ANO1: variants seen among roughly 807,000 people sequenced by gnomAD.
The protein encoded by ANO1 is anoctamin 1.
A neutral mutation model predicts 124.0 loss-of-function variants in ANO1; 59 were observed. The observed-to-expected ratio is 0.48, with a 90% CI of 0.39 to 0.59. ANO1 has a LOEUF of 0.59. Among genes scored for constraint, ANO1 ranks in the 20% least tolerant of loss-of-function variants. ANO1 has a pLI of 0.00. For synonymous variants in ANO1, 529 were observed against 532.0 expected (o/e 0.99, Z 0.08); for missense variants, 1,059 against 1,328.0 (o/e 0.80, Z 3.15).
In ANO1 at chr11:70,078,611, GGGTCAACGAGAAGTACTCGACGCTCCC is replaced by G. The variant is rs2044101274; in HGVS notation, c.8_34del (p.Val3_Pro11del). The G allele has an allele frequency of 6.7e-7, 1 of 1,487,946 alleles. No homozygotes were observed. The highest frequency in any genetic ancestry group is 9.0e-7 in the Non-Finnish European group (1 of 1,109,376). 92.2% of individuals were successfully genotyped at this position (1,487,946 alleles called of 1,614,324 possible). The stretch of plus-strand genomic sequence containing the variant: ...CCCAGCGCACAGGCGGCCACGATGA[GGGTCAACGAGAAGTACTCGACGCTCCC>G]GGCCGAGGACCGCAGCGTCCACATC... On this transcript the variant is annotated inframe_deletion, in exon 1 of 26. Coordinates refer to ENST00000355303, the MANE Select transcript of ANO1 (RefSeq NM_018043.7).
chr11:70,039,264 A>G (rs1487240630), intron 1 of ANO1, among the ~76,000 whole-genome samples: 1 of 152,206 alleles, frequency 6.6e-6, no homozygotes, highest in East Asian at 1.9e-4. Flanking sequence ...AGGACCAAAC[A>G]TAAGAAAAAG....
intron 1 of ANO1, among the ~76,000 whole-genome samples, chr11:70,003,114 G>C (rs1269286531): frequency 2.0e-5 from 3 of 152,042 alleles, no homozygotes; most frequent in Non-Finnish European, 1.5e-5. Flanking sequence ...ATCCAATAAA[G>C]AATTGTTTTT....
chr11:70,085,310 C>G, intron 1 of ANO1: 1 of 1,368,940 alleles, frequency 7.3e-7, no homozygotes, highest in Non-Finnish European at 9.6e-7. Flanking sequence ...CCAGCCCTCC[C>G]CCACCCTTCC....
intron 1 of ANO1, among the ~76,000 whole-genome samples, chr11:70,017,597 C>A (rs553609908): frequency 3.3e-5 from 5 of 151,634 alleles, no homozygotes; most frequent in African/African-American, 4.8e-5. Flanking sequence ...CTCACTGCAG[C>A]CTTGACTCCC....
intron 8 of ANO1, 137 bp downstream of exon 8, chr11:70,116,636 A>C: frequency 1.4e-6 from 1 of 734,282 alleles, no homozygotes; most frequent in East Asian, 2.8e-5. Context: ...GGGGCTGAGA[A>C]GCGGGTGTCC....
chr11:70,017,469 C>T (rs1555002107), intron 1 of ANO1, among the ~76,000 whole-genome samples: 2 of 150,900 alleles, frequency 1.3e-5, no homozygotes, highest in Non-Finnish European at 3.0e-5. Context: ...TTCCTTCCCT[C>T]CTTCCCTCCC....
intron 10 of ANO1, 110 bp downstream of exon 10, chr11:70,126,305 A>G (rs1231119499): frequency 1.8e-5 from 25 of 1,354,188 alleles, no homozygotes; most frequent in African/African-American, 2.9e-5. Context: ...ATTCCTGTAC[A>G]CATGAAACCT....
chr11:70,000,326 G>A (rs1336290076), intron 1 of ANO1, among the ~76,000 whole-genome samples: 2 of 151,934 alleles, frequency 1.3e-5, no homozygotes, highest in East Asian at 1.9e-4. Flanking sequence ...TGGGCCGGGG[G>A]GGGATGCACA....
At chr11:70,074,180 G>A (rs1010182543), upstream of ANO1, among the ~76,000 whole-genome samples, 8 of 152,094 alleles carry the variant, frequency 5.3e-5, no homozygotes, top group African/African-American at 7.2e-5. Flanking sequence ...GGCCATTGGC[G>A]CTCACAATGG....
intron 1 of ANO1, among the ~76,000 whole-genome samples, chr11:70,005,099 C>T (rs550282284): frequency 2.7e-3 from 302 of 110,006 alleles, no homozygotes; most frequent in Non-Finnish European, 4.3e-3. Context: ...GGTGACAGAG[C>T]GAGATTCCAA....
rs1565159722 is a variant in ANO1 at position 70,010,173 on chromosome 11, G to GTATA, written c.58+24008_58+24009insATAT. Among the ~76,000 whole-genome samples the GTATA allele has an allele frequency of 1.4e-4, 7 of 50,640 alleles. 1 individual carries two copies. In the South Asian group the frequency reaches 4.4e-3, roughly 32 times the overall value. The allele number at this position is 50,640 out of a possible 152,430, so 33.2% of individuals were successfully genotyped here. ...TGTGTGTGTGTGTGTGTGCGCGTGT[G>GTATA]TGTGTGTATATATATATATATATAT... On this transcript the variant is annotated intron_variant, in intron 1 of 27. Coordinates refer to the ANO1 transcript ENST00000531349.
chr11:70,173,347 A>G (rs1307766967), intron 22 of ANO1, among the ~76,000 whole-genome samples: 1 of 152,164 alleles, frequency 6.6e-6, no homozygotes, highest in African/African-American at 2.4e-5. Context: ...GCTTCCCTAC[A>G]TCACCTCTTC....
At chr11:70,005,112 C>A (rs1433033540) in intron 1 of ANO1, among the ~76,000 whole-genome samples, 288 of 134,950 alleles carry the variant, frequency 2.1e-3, no homozygotes, top group East Asian at 4.0e-3. Flanking sequence ...GATTCCAACT[C>A]AAAAAAAAAA....
At chr11:70,086,771 C>A (rs576619649) in intron 1 of ANO1, among the ~76,000 whole-genome samples, 1 of 152,340 alleles carries the variant, frequency 6.6e-6, no homozygotes, top group East Asian at 1.9e-4. Flanking sequence ...CTGCACATAG[C>A]GGTGGCCGCT....
chr11:70,052,332 A>C (rs1406172504), intron 1 of ANO1, among the ~76,000 whole-genome samples: 1 of 152,026 alleles, frequency 6.6e-6, no homozygotes, highest in African/African-American at 2.4e-5. Flanking sequence ...AATATCAGAT[A>C]ATATATGTCC....
Position 69,995,886 on chromosome 11 carries a change from G to A in ANO1, c.58+9720G>A, listed in dbSNP as rs536766952. ...CTTTGGGAGGCAGAGGTGGAGGCGG[G>A]TGGATCACCTGAGGTCAGGAGTTTG... On this transcript the variant is annotated intron_variant, in intron 1 of 27. Transcript: ENST00000531349. Among the ~76,000 whole-genome samples, 93 of 152,310 alleles carry A rather than the reference G, an allele frequency of 6.1e-4. 1 individual carries two copies. The highest frequency in any genetic ancestry group is 2.1e-3 in the African/African-American group (89 of 41,558).
At chr11:70,048,680 C>A (rs1214115392) in intron 1 of ANO1, among the ~76,000 whole-genome samples, 3 of 149,480 alleles carry the variant, frequency 2.0e-5, no homozygotes, top group Non-Finnish European at 3.0e-5. Context: ...CCTTCTCCCC[C>A]TCTCCCCACT....
At chr11:70,108,566 T>C (rs1298865085) in intron 6 of ANO1, among the ~76,000 whole-genome samples, 162 bp downstream of exon 6, 1 of 152,148 alleles carries the variant, frequency 6.6e-6, no homozygotes, top group African/African-American at 2.4e-5. Flanking sequence ...GTTGGGAGCG[T>C]GCAGGGCAGT....
chr11:70,003,067 A>G (rs1856416060), intron 1 of ANO1, among the ~76,000 whole-genome samples: 1 of 152,212 alleles, frequency 6.6e-6, no homozygotes, highest in Admixed American at 6.5e-5. Context: ...CAAAATAGAA[A>G]GAAAAATATC....
Sources: allele counts gnomAD v4.1 joint callset (sites outside exome capture counted in the v4.1 genomes callset), GRCh38; gene constraint gnomAD v4.1.1; transcripts MANE v1.5; gene names NCBI Gene and HGNC (gene_info 2026-07-23, HGNC 2026-07-21).